USP10: variants seen among roughly 807,000 people sequenced by gnomAD.
USP10 encodes the protein ubiquitin carboxyl-terminal hydrolase 10.
Under a neutral mutation model 84.5 loss-of-function variants are expected in USP10, and 22 were observed. That is an observed-to-expected ratio of 0.26 (90% CI 0.19 to 0.37). The LOEUF is 0.37. Among genes scored for constraint, USP10 ranks in the 10% least tolerant of loss-of-function variants. The pLI is 1.00. For missense variants in USP10, 1,019 were observed against 998.9 expected (o/e 1.02, Z -0.27); for synonymous variants, 454 against 387.6 (o/e 1.17, Z -2.01).
At chr16:84,767,160 C>T (rs923577450) in intron 10 of USP10, among the ~76,000 whole-genome samples, 2 of 151,996 alleles carry the variant, frequency 1.3e-5, no homozygotes, top group African/African-American at 2.4e-5. Flanking sequence ...AGCTCTTCAC[C>T]GCATCTGTTC....
At chr16:84,769,896 G>A (rs1419298189) in intron 11 of USP10, among the ~76,000 whole-genome samples, 3 of 152,302 alleles carry the variant, frequency 2.0e-5, no homozygotes, top group South Asian at 2.1e-4. Flanking sequence ...GTTGTTAGAC[G>A]GTAGTGAAGA....
chr16:84,743,246 T>TA, intron 3 of USP10, among the ~76,000 whole-genome samples: 1 of 152,266 alleles, frequency 6.6e-6, no homozygotes, highest in African/African-American at 2.4e-5. Context: ...CTGTTAGGTG[T>TA]AATCGTCATC....
intron 1 of USP10, among the ~76,000 whole-genome samples, chr16:84,720,289 C>T (rs779464018): frequency 1.1e-4 from 16 of 152,166 alleles, no homozygotes; most frequent in South Asian, 2.1e-4. Context: ...TCTGTTGGTC[C>T]GGTTCCAGCG....
chr16:84,775,288 G>A (rs1914884445), intron 13 of USP10, 63 bp downstream of exon 13: 3 of 1,546,892 alleles, frequency 1.9e-6, no homozygotes, highest in East Asian at 2.3e-5. Context: ...TTACAGCTGG[G>A]CACAGGTTTG....
chr16:84,765,384 G>C (rs1913737114), intron 10 of USP10, among the ~76,000 whole-genome samples: 1 of 151,872 alleles, frequency 6.6e-6, no homozygotes, highest in Non-Finnish European at 1.5e-5. Context: ...CTGTTCGCCT[G>C]TGTGGCTGCC....
intron 4 of USP10, among the ~76,000 whole-genome samples, chr16:84,750,014 C>T (rs1043322465): frequency 6.6e-6 from 1 of 152,140 alleles, no homozygotes; most frequent in Non-Finnish European, 1.5e-5. Flanking sequence ...TGTATCTAAA[C>T]ACAAAAGCCC....
intron 1 of USP10, chr16:84,704,917 T>C: frequency 6.5e-7 from 1 of 1,535,336 alleles, no homozygotes; most frequent in African/African-American, 1.4e-5. Flanking sequence ...ATTCCTCGAC[T>C]TTCCCTTTTG....
chr16:84,764,678 A>G (rs1431472577), intron 10 of USP10, among the ~76,000 whole-genome samples: 1 of 152,142 alleles, frequency 6.6e-6, no homozygotes, highest in Non-Finnish European at 1.5e-5. Context: ...TAAAAATACA[A>G]AAATCAACCA....
At chr16:84,762,917 AAGT>A in intron 8 of USP10, 69 bp from the exon 9 acceptor site, 1 of 879,982 alleles carries the variant, frequency 1.1e-6, no homozygotes, top group Non-Finnish European at 1.8e-6. Context: ...TGGACTTTGC[AAGT>A]ACTGCATGTC....
chr16:84,713,147 C>T lies in USP10; in HGVS notation c.21+13036C>T, dbSNP rs1243226528. ...TGCCACAGTTAGTTTATCTTTCCCC[C>T]ACCTTTGTGACCTTAGATATCTCAG... On this transcript the variant is annotated intron_variant, in intron 1 of 13. Coordinates refer to ENST00000219473, the MANE Select transcript of USP10 (RefSeq NM_005153.3). 2.0e-5 allele frequency among the ~76,000 whole-genome samples: 3 copies of T among 152,232 alleles called. No individual in the cohort carries two copies. In the South Asian group the frequency reaches 6.2e-4, roughly 31 times the overall value.
chr16:84,710,804 A>G (rs1906183777), intron 1 of USP10, among the ~76,000 whole-genome samples: 1 of 152,222 alleles, frequency 6.6e-6, no homozygotes, highest in Non-Finnish European at 1.5e-5. Context: ...GACACTGAGT[A>G]AGGATCCCTG....
intron 5 of USP10, among the ~76,000 whole-genome samples, chr16:84,759,093 T>G (rs1200559010): frequency 1.3e-5 from 2 of 152,200 alleles, no homozygotes; most frequent in Non-Finnish European, 2.9e-5. Context: ...CACTTACAAC[T>G]GGAAATTTGG....
intron 1 of USP10, among the ~76,000 whole-genome samples, chr16:84,719,212 T>C (rs190241777): frequency 2.0e-4 from 31 of 152,344 alleles, no homozygotes; most frequent in East Asian, 3.9e-4. Flanking sequence ...TCATCAACTT[T>C]ATATAGTGAG....
rs772464112 is a variant in USP10 at position 84,745,219 on chromosome 16, C to T, written c.738C>T (p.Pro246=). 371 of 1,613,064 alleles carry T rather than the reference C, an allele frequency of 2.3e-4. 1 individual carries two copies. Among genetic ancestry groups the T allele is most frequent in the South Asian group, 1.2e-3 (107 of 91,008 alleles). Residue 246 remains proline (P), a synonymous_variant, in exon 4 of 14, where the codon CCC becomes CCT. Transcript: ENST00000219473. ...TRTAGQPEGG[P]GADFGQSCFP... ...CTGCAGGGCAGCCAGAGGGGGGCCC[C>T]GGGGCTGATTTTGGTCAGTCCTGCT...
intron 3 of USP10, among the ~76,000 whole-genome samples, chr16:84,743,512 C>T (rs890432812): frequency 1.3e-5 from 2 of 152,026 alleles, no homozygotes; most frequent in Non-Finnish European, 2.9e-5. Context: ...AGTAGAACAC[C>T]GTTCTTTGGG....
intron 13 of USP10, 103 bp from the exon 14 acceptor site, chr16:84,778,792 G>C (rs149860427): frequency 8.5e-7 from 1 of 1,183,034 alleles, no homozygotes; most frequent in African/African-American, 1.5e-5. Flanking sequence ...TTGGAGAGGG[G>C]TTTTACACAT....
chr16:84,777,978 G>A (rs1915188434), intron 13 of USP10, among the ~76,000 whole-genome samples: 1 of 152,210 alleles, frequency 6.6e-6, no homozygotes, highest in Non-Finnish European at 1.5e-5. Context: ...CATAGAAGTG[G>A]AGGATGTGTT....
intron 1 of USP10, among the ~76,000 whole-genome samples, chr16:84,727,135 T>G (rs1454007933): frequency 1.3e-5 from 2 of 152,168 alleles, no homozygotes; most frequent in African/African-American, 2.4e-5. Context: ...TTCTTTGAAA[T>G]TACAAGAAAC....
rs1433200324 is a variant in USP10 at position 84,757,400 on chromosome 16, GGGGT to G, written c.1193-1314_1193-1311del. Among the ~76,000 whole-genome samples the G allele has an allele frequency of 7.4e-3, 453 of 61,196 alleles. 6 individuals are homozygous for G. Among genetic ancestry groups the G allele is most frequent in the African/African-American group, 0.019 (314 of 16,946 alleles). 40.1% of individuals were successfully genotyped at this position (61,196 alleles called of 152,430 possible). ...TAGGAAGGAGGGAATGAGAGGGGTG[GGGGT>G]GTGTGTGTGTGTGTGTGTGTGTGTG... is the stretch of plus-strand genomic sequence containing the variant. On this transcript the variant is annotated intron_variant, in intron 4 of 13. Transcript: ENST00000219473.
Sources: gnomAD v4.1 joint callset for allele counts (sites outside exome capture counted in the v4.1 genomes callset) on GRCh38, gnomAD v4.1.1 for gene constraint, MANE v1.5 for transcripts, NCBI Gene and HGNC (gene_info 2026-07-23, HGNC 2026-07-21) for gene names.